TLK2: variants seen among roughly 807,000 people sequenced by gnomAD.
TLK2 encodes the protein tousled like kinase 2, also known as serine/threonine-protein kinase tousled-like 2.
A neutral mutation model predicts 117.3 loss-of-function variants in TLK2; 6 were observed. That is an observed-to-expected ratio of 0.05 (90% CI 0.03 to 0.10). TLK2 has a LOEUF of 0.10. Ranked by LOEUF, TLK2 falls within the 10% of genes least tolerant of loss-of-function variation. The pLI, the probability that TLK2 is intolerant of heterozygous loss-of-function variation, is 1.00. For missense variants in TLK2, 299 were observed against 901.2 expected, an observed-to-expected ratio of 0.33 and a Z score of 8.56; for synonymous variants, 257 against 316.7, an observed-to-expected ratio of 0.81 and a Z score of 2.00.
At chr17:62,476,443 T>G (rs1355187996), upstream of TLK2, among the ~76,000 whole-genome samples, 1 of 151,712 alleles carries the variant, frequency 6.6e-6, no homozygotes, top group African/African-American at 2.4e-5. Flanking sequence ...ATAAGCCAGG[T>G]GTGGTGGTGT....
At chr17:62,500,458 A>G (rs182234191) in intron 2 of TLK2, among the ~76,000 whole-genome samples, 194 of 152,340 alleles carry the variant, frequency 1.3e-3, no homozygotes, top group African/African-American at 4.5e-3. Flanking sequence ...CTAAATGTAT[A>G]TGCATCCAGT....
In TLK2 at chr17:62,540,400, A is replaced by ATTTTT. The variant is rs534202077; in HGVS notation, c.531+4082_531+4086dup. Among the ~76,000 whole-genome samples, 189 of 19,954 alleles carry ATTTTT rather than the reference A, an allele frequency of 9.5e-3. 33 individuals are homozygous for ATTTTT. Among genetic ancestry groups the ATTTTT allele is most frequent in the East Asian group, 0.015 (2 of 132 alleles). The allele number at this position is 19,954 out of a possible 152,430, so 13.1% of individuals were successfully genotyped here. ...ATTTTACCTTCAAAATATGTTCAGA[A>ATTTTT]TTTTTTTTTTTTTTTTTTTTTTTGA... On this transcript the variant is annotated intron_variant, in intron 7 of 21. Coordinates refer to ENST00000346027, the MANE Select transcript of TLK2 (RefSeq NM_006852.6).
chr17:62,535,090 G>A (rs1041566343), intron 6 of TLK2, among the ~76,000 whole-genome samples: 2 of 151,910 alleles, frequency 1.3e-5, no homozygotes, highest in African/African-American at 2.4e-5. Flanking sequence ...GTTTCACCAC[G>A]TTGGCCAGGC....
intron 2 of TLK2, among the ~76,000 whole-genome samples, chr17:62,484,937 A>G (rs1812692): frequency 0.37 from 56,483 of 151,798 alleles, 10,718 homozygotes; most frequent in African/African-American, 0.42. Context: ...GGTGCCTGTA[A>G]TCCCAGCTAC....
intron 7 of TLK2, among the ~76,000 whole-genome samples, chr17:62,546,222 A>G (rs1189634121): frequency 2.6e-5 from 4 of 152,018 alleles, no homozygotes; most frequent in African/African-American, 7.3e-5. Context: ...TATGTTGGCC[A>G]GGGTGGTCTG....
chr17:62,577,478 T>C (rs568528612), intron 13 of TLK2, among the ~76,000 whole-genome samples: 3 of 152,304 alleles, frequency 2.0e-5, no homozygotes, highest in Admixed American at 2.0e-4. Context: ...ATTCCTTGCC[T>C]AAACTAGCTA....
intron 9 of TLK2, among the ~76,000 whole-genome samples, chr17:62,555,395 C>T (rs1252060904): frequency 1.3e-5 from 2 of 151,960 alleles, no homozygotes; most frequent in Non-Finnish European, 2.9e-5. Flanking sequence ...TATTTTGACT[C>T]CTTTTTATAT....
rs376540739 is a variant in TLK2, at chr17:62,567,121, G to A, written c.968+1984G>A. On this transcript the variant is annotated intron_variant, in intron 11 of 21. Coordinates refer to ENST00000346027, the MANE Select transcript of TLK2 (RefSeq NM_006852.6). ...CACACACCTGTGGTCCCAGCTACTTGGGAGGCTGAGGTGGGAGGATGACTT... is the reference window on the plus strand; with the variant it reads ...CACACACCTGTGGTCCCAGCTACTTAGGAGGCTGAGGTGGGAGGATGACTT... Among the ~76,000 whole-genome samples the A allele has an allele frequency of 1.1e-4, 16 of 152,136 alleles. No individual in the cohort carries two copies. In the East Asian group the frequency reaches 2.7e-3, roughly 26 times the overall value.
chr17:62,523,080 T>G lies in TLK2; in HGVS notation c.224-54T>G, dbSNP rs554042204. The G allele has an allele frequency of 2.6e-6, 4 of 1,513,998 alleles. No homozygotes were observed. In the African/African-American group the frequency reaches 4.2e-5, roughly 16 times the overall value. 93.8% of individuals were successfully genotyped at this position (1,513,998 alleles called of 1,614,324 possible). ...TGAATGTATAGTACATTTTAGTGAA[T>G]GATGGTTTATATGTGTATTGGAAAA... On this transcript the variant is annotated intron_variant, in intron 4 of 21. Coordinates refer to ENST00000346027, the MANE Select transcript of TLK2 (RefSeq NM_006852.6).
chr17:62,590,778 A>G (rs2082018840), intron 16 of TLK2, among the ~76,000 whole-genome samples: 1 of 152,206 alleles, frequency 6.6e-6, no homozygotes, highest in African/African-American at 2.4e-5. Context: ...CACACCCAAC[A>G]AGATGGTATT....
intron 12 of TLK2, chr17:62,574,327 A>G (rs1598685665): frequency 6.5e-7 from 1 of 1,540,236 alleles, no homozygotes; most frequent in Non-Finnish European, 8.7e-7. Flanking sequence ...TTTATGTTAA[A>G]TGCTTATTTT....
intron 16 of TLK2, among the ~76,000 whole-genome samples, chr17:62,593,207 A>G (rs1243921763): frequency 6.6e-6 from 1 of 152,224 alleles, no homozygotes; most frequent in African/African-American, 2.4e-5. Flanking sequence ...TATACAGTAT[A>G]AAAATGGTAC....
intron 4 of TLK2, 103 bp from the exon 5 acceptor site, chr17:62,523,031 G>A (rs2076144990): frequency 5.7e-6 from 7 of 1,220,540 alleles, no homozygotes; most frequent in Non-Finnish European, 7.8e-6. Flanking sequence ...TGACACTTGG[G>A]TTTATAGCAA....
chr17:62,471,651 A>AAGT (rs372830109), intron 1 of TLK2, among the ~76,000 whole-genome samples: 1 of 151,746 alleles, frequency 6.6e-6, no homozygotes, highest in Non-Finnish European at 1.5e-5. Context: ...GGAGTATCAG[A>AAGT]AAGAGTTCTA....
At chr17:62,545,409 G>A (rs1294006111) in intron 7 of TLK2, among the ~76,000 whole-genome samples, 4 of 152,140 alleles carry the variant, frequency 2.6e-5, no homozygotes, top group Admixed American at 2.6e-4. Flanking sequence ...GGACATCCTT[G>A]TCTTTCTTGT....
intron 2 of TLK2, among the ~76,000 whole-genome samples, chr17:62,496,694 G>A (rs1171728311): frequency 4.6e-5 from 7 of 151,994 alleles, no homozygotes; most frequent in African/African-American, 1.7e-4. Flanking sequence ...GGTGTCTCAC[G>A]CCTGTAATCC....
chr17:62,546,179 G>C (rs189517039), intron 7 of TLK2, among the ~76,000 whole-genome samples: 2 of 151,986 alleles, frequency 1.3e-5, no homozygotes, highest in Admixed American at 6.6e-5. Flanking sequence ...ACCACACCAT[G>C]TCCTAATTTC....
chr17:62,571,283 C>T (rs1379240799), intron 11 of TLK2, among the ~76,000 whole-genome samples: 1 of 152,140 alleles, frequency 6.6e-6, no homozygotes, highest in Non-Finnish European at 1.5e-5. Flanking sequence ...CTATGCATAT[C>T]CTCCCATATA....
At position 62,483,420 on chromosome 17, in the gene TLK2, C is replaced by T. The variant is rs1248500757; in HGVS notation, c.81+2214C>T. Among the ~76,000 whole-genome samples the T allele has an allele frequency of 2.6e-5, 4 of 152,340 alleles. 1 individual carries two copies. In the South Asian group the frequency reaches 6.2e-4, roughly 24 times the overall value. ...ACTAAGGTATCAGAAAACTTTAATA[C>T]AGTAACCTATCTGTTTAATAGGAAA... On this transcript the variant is annotated intron_variant, in intron 2 of 21. Transcript: ENST00000346027.
Sources: allele counts gnomAD v4.1 joint callset (sites outside exome capture counted in the v4.1 genomes callset), GRCh38; gene constraint gnomAD v4.1.1; transcripts MANE v1.5; gene names NCBI Gene and HGNC (gene_info 2026-07-23, HGNC 2026-07-21).